NBPF9: variants seen among roughly 807,000 people sequenced by gnomAD.
The protein encoded by NBPF9 is NBPF member 9.
Under a neutral mutation model 97.8 loss-of-function variants are expected in NBPF9, and 91 were observed. The ratio of observed to expected loss-of-function variants is 0.93; its 90% CI spans 0.79 to 1.11. The LOEUF is 1.11. Ranked by LOEUF, NBPF9 falls within the 50% of genes least tolerant of loss-of-function variation. The pLI is 0.00. For synonymous variants in NBPF9, 334 were observed against 359.5 expected (o/e 0.93, Z 0.80); for missense variants, 992 against 939.5 (o/e 1.06, Z -0.73).
At chr1:149,063,063 G>C (rs1299725840) in intron 20 of NBPF9, 150 bp from the exon 21 acceptor site, 5 of 563,058 alleles carry the variant, frequency 8.9e-6, no homozygotes, top group Non-Finnish European at 1.6e-5. Context: ...CCTGAAGGCT[G>C]ATCACCATAG....
rs2078878661 is a variant in NBPF9 at position 149,064,344 on chromosome 1, A to C, written c.1853+87T>G. On this transcript the variant is annotated intron_variant, in intron 19 of 29. Coordinates refer to ENST00000584027, the Ensembl canonical transcript of NBPF9. ...CATACTTGTCTGACAAGACAAAATC[A>C]TTATTTTCAGCATGTACTGTTTTCC... 6 of 790,514 alleles carry C rather than the reference A, an allele frequency of 7.6e-6. No homozygotes were observed. The Admixed American group carries it at 1.2e-4, about 15-fold the overall frequency. The allele number at this position is 790,514 out of a possible 1,614,324, so 49.0% of individuals were successfully genotyped here.
At chr1:149,084,332 GAATA>G (rs1207083583) in intron 5 of NBPF9, among the ~76,000 whole-genome samples, 6 of 144,828 alleles carry the variant, frequency 4.1e-5, no homozygotes, top group African/African-American at 5.1e-5. Flanking sequence ...ACACACACAT[GAATA>G]TATATAATAT....
intron 5 of NBPF9, among the ~76,000 whole-genome samples, chr1:149,084,747 G>C (rs1169612973): frequency 6.6e-6 from 1 of 150,968 alleles, no homozygotes; most frequent in Non-Finnish European, 1.5e-5. Flanking sequence ...TTGGTGTCCT[G>C]GTTGGCAAAG....
At chr1:149,091,555 A>G (rs1422138021) in intron 4 of NBPF9, among the ~76,000 whole-genome samples, 2 of 152,002 alleles carry the variant, frequency 1.3e-5, no homozygotes, top group Admixed American at 1.3e-4. Flanking sequence ...AGCCATACGC[A>G]AAACAGTGTG....
intron 7 of NBPF9, among the ~76,000 whole-genome samples, chr1:149,080,634 T>C (rs1348179430): frequency 6.6e-6 from 1 of 151,188 alleles, no homozygotes; most frequent in Non-Finnish European, 1.5e-5. Context: ...TAGATCAATA[T>C]TCAGATATGG....
chr1:149,055,535 C>G (rs879952853), exon 30 of NBPF9: 2 of 1,562,494 alleles, frequency 1.3e-6, no homozygotes, highest in Non-Finnish European at 1.7e-6. Context: ...AGGAATAGAG[C>G]CATGCCCACT....
intron 22 of NBPF9, 148 bp downstream of exon 22, chr1:149,061,945 T>TA (rs2078621259): frequency 2.0e-6 from 1 of 503,770 alleles, no homozygotes; most frequent in Non-Finnish European, 3.5e-6. Context: ...CAGCTGAGAC[T>TA]ACAGTTTCAT....
rs2079081491 is a variant in NBPF9, at chr1:149,067,182, T to C, written c.1638-1493A>G. 1.5e-5 allele frequency among the ~76,000 whole-genome samples: 2 copies of C among 135,192 alleles called. 1 individual carries two copies. The highest frequency in any genetic ancestry group is 3.2e-5 in the Non-Finnish European group (2 of 62,216). 88.7% of individuals were successfully genotyped at this position (135,192 alleles called of 152,430 possible). On this transcript the variant is annotated intron_variant, in intron 17 of 29. Transcript: ENST00000584027. The stretch of plus-strand genomic sequence containing the variant: ...CGGATTACCCACAAAGGGAAACTCA[T>C]CAGACTAGCAGCAGATCTCTTGGCA...
chr1:149,073,804 T>A (rs1553653610), exon 13 of NBPF9: 1 of 1,569,878 alleles, frequency 6.4e-7, no homozygotes, highest in Non-Finnish European at 8.7e-7. Context: ...CTCTGCAAGC[T>A]TCTCCTCCTT....
At chr1:149,087,313 C>T (rs1416693400) in intron 5 of NBPF9, among the ~76,000 whole-genome samples, 1 of 147,752 alleles carries the variant, frequency 6.8e-6, no homozygotes, top group Non-Finnish European at 1.5e-5. Context: ...ATCTTCAAAA[C>T]GGTGAATATA....
At chr1:149,072,439 A>G in intron 14 of NBPF9, among the ~76,000 whole-genome samples, 1 of 152,214 alleles carries the variant, frequency 6.6e-6, no homozygotes, top group South Asian at 2.1e-4. Context: ...GCCTGCTCCC[A>G]TCGCAGCCTC....
intron 20 of NBPF9, 131 bp downstream of exon 20, chr1:149,063,502 C>A: frequency 1.4e-6 from 1 of 694,694 alleles, no homozygotes; most frequent in South Asian, 1.6e-5. Flanking sequence ...TTTCATTCAA[C>A]GTACATGTGC....
chr1:149,082,190 C>T lies in NBPF9; in HGVS notation c.-35-16G>A, dbSNP rs1288671633. On this transcript the variant is annotated splice_polypyrimidine_tract_variant and intron_variant, in intron 6 of 29. Transcript: ENST00000584027. ...GGGCCAGGGACTGGGGAGAAGAAAC[C>T]CAAACATATGATGGGTTAAAAACTG... 2 of 1,608,422 alleles carry T rather than the reference C, an allele frequency of 1.2e-6. No individual in the cohort carries two copies. Among genetic ancestry groups the T allele is most frequent in the Admixed American group, 3.3e-5 (2 of 59,978 alleles).
chr1:149,091,457 C>T (rs1358456208), intron 4 of NBPF9, among the ~76,000 whole-genome samples: 1 of 151,012 alleles, frequency 6.6e-6, no homozygotes, highest in Non-Finnish European at 1.5e-5. Context: ...AACTGTGATA[C>T]ATTCATTCCA....
chr1:149,079,956 C>T, intron 8 of NBPF9, 97 bp downstream of exon 8: 1 of 940,056 alleles, frequency 1.1e-6, no homozygotes, highest in South Asian at 1.3e-5. Context: ...CTGCCCTTCC[C>T]CTGGCCCAGC....
intron 16 of NBPF9, among the ~76,000 whole-genome samples, chr1:149,070,026 A>G (rs1310212738): frequency 7.4e-6 from 1 of 134,288 alleles, no homozygotes; most frequent in Non-Finnish European, 1.6e-5. Context: ...TACATGAAAC[A>G]CGACTGATAG....
chr1:149,055,613 T>A, exon 30 of NBPF9: 2 of 1,611,302 alleles, frequency 1.2e-6, no homozygotes. Flanking sequence ...TGCCTATAGG[T>A]CCTGCCTGCA....
At chr1:149,085,567 T>C (rs1249160646) in intron 5 of NBPF9, among the ~76,000 whole-genome samples, 1 of 152,202 alleles carries the variant, frequency 6.6e-6, no homozygotes, top group Non-Finnish European at 1.5e-5. Flanking sequence ...TTCCAATCAA[T>C]GAACATTATA....
At position 149,059,660 on chromosome 1, in the gene NBPF9, G is replaced by T. The variant is rs1280799088; in HGVS notation, c.2585+40C>A. On this transcript the variant is annotated intron_variant, in intron 25 of 29. Coordinates refer to ENST00000584027, the Ensembl canonical transcript of NBPF9. The stretch of plus-strand genomic sequence containing the variant: ...TTCCCTGAATCTGTTGCCTCCAGGT[G>T]TTAACACAGAACTAAGGATCCAGAA... The T allele has an allele frequency of 7.1e-6, 4 of 560,190 alleles. 1 individual carries two copies. The highest frequency in any genetic ancestry group is 1.3e-5 in the Non-Finnish European group (4 of 304,120). 34.7% of individuals were successfully genotyped at this position (560,190 alleles called of 1,614,324 possible).
Sources: allele counts gnomAD v4.1 joint callset (sites outside exome capture counted in the v4.1 genomes callset), GRCh38; gene constraint gnomAD v4.1.1; transcripts MANE v1.5; gene names NCBI Gene and HGNC (gene_info 2026-07-23, HGNC 2026-07-21).